Variants in CHRM3 observed in about 807,000 individuals in gnomAD.
CHRM3 encodes cholinergic receptor muscarinic 3, also known as muscarinic acetylcholine receptor M3.
CHRM3 carries 11 observed loss-of-function variants against 41.8 expected under a neutral mutation model. The observed-to-expected ratio is 0.26, with a 90% CI of 0.17 to 0.44. The LOEUF (loss-of-function observed/expected upper bound fraction) is 0.44. Ranked by LOEUF, CHRM3 falls within the 20% of genes least tolerant of loss-of-function variation. CHRM3 has a pLI of 1.00. For synonymous variants in CHRM3, 297 were observed against 301.4 expected (o/e 0.99, Z 0.15); for missense variants, 571 against 745.4 (o/e 0.77, Z 2.72).
At chr1:239,695,832 A>G (rs974097561) in intron 5 of CHRM3, among the ~76,000 whole-genome samples, 4 of 152,184 alleles carry the variant, frequency 2.6e-5, no homozygotes, top group African/African-American at 9.7e-5. Flanking sequence ...AGACTTACAC[A>G]GTTATTTAAC....
At chr1:239,900,525 T>C (rs1317954294) in intron 6 of CHRM3, among the ~76,000 whole-genome samples, 2 of 152,004 alleles carry the variant, frequency 1.3e-5, no homozygotes, top group African/African-American at 4.8e-5. Flanking sequence ...GAGAAGTTCA[T>C]AGAAAATGTC....
At chr1:239,706,746 A>C (rs957929931) in intron 5 of CHRM3, among the ~76,000 whole-genome samples, 1 of 151,464 alleles carries the variant, frequency 6.6e-6, no homozygotes. Context: ...ACAGGCATGC[A>C]CCCCCACACC....
chr1:239,482,652 A>G (rs1380426279), intron 1 of CHRM3, among the ~76,000 whole-genome samples: 2 of 151,788 alleles, frequency 1.3e-5, no homozygotes, highest in Non-Finnish European at 2.9e-5. Flanking sequence ...CTAGCTCTCA[A>G]CCGTAGAATT....
At chr1:239,556,898 G>A (rs920966522) in intron 3 of CHRM3, among the ~76,000 whole-genome samples, 19 of 152,290 alleles carry the variant, frequency 1.2e-4, no homozygotes, top group Admixed American at 1.1e-3. Flanking sequence ...GTTAAATGGA[G>A]TTGAATTGAA....
intron 6 of CHRM3, among the ~76,000 whole-genome samples, chr1:239,828,509 G>A (rs968267738): frequency 1.3e-5 from 2 of 152,110 alleles, no homozygotes; most frequent in African/African-American, 2.4e-5. Context: ...TTCAGGGAAG[G>A]ACAGTCTAAT....
intron 5 of CHRM3, among the ~76,000 whole-genome samples, chr1:239,697,267 G>A (rs1057071853): frequency 5.9e-4 from 90 of 152,126 alleles, no homozygotes; most frequent in African/African-American, 2.0e-3. Flanking sequence ...AATGAGTCTC[G>A]TGAGATCTGA....
At chr1:239,389,552 TA>T (rs1206326564) in intron 1 of CHRM3, among the ~76,000 whole-genome samples, 1 of 152,206 alleles carries the variant, frequency 6.6e-6, no homozygotes, top group African/African-American at 2.4e-5. Flanking sequence ...AATGATATTT[TA>T]GCCTTTAATT....
chr1:239,819,173 C>T (rs1671834250), intron 5 of CHRM3, among the ~76,000 whole-genome samples: 1 of 152,200 alleles, frequency 6.6e-6, no homozygotes, highest in Non-Finnish European at 1.5e-5. Flanking sequence ...CTTAAAAGCT[C>T]TACCTTGTTG....
At chr1:239,541,568 G>T (rs2148391679) in intron 2 of CHRM3, among the ~76,000 whole-genome samples, 1 of 152,070 alleles carries the variant, frequency 6.6e-6, no homozygotes, top group East Asian at 1.9e-4. Flanking sequence ...CTGGAGTGCA[G>T]TGGCGTGATT....
At chr1:239,902,346 A>C (rs1369368749) in intron 6 of CHRM3, among the ~76,000 whole-genome samples, 1 of 152,196 alleles carries the variant, frequency 6.6e-6, no homozygotes, top group African/African-American at 2.4e-5. Context: ...GTCTCAAAAT[A>C]GTCAAGTAAT....
At chr1:239,776,637 G>A (rs141041794) in intron 5 of CHRM3, among the ~76,000 whole-genome samples, 1,575 of 152,262 alleles carry the variant, frequency 0.01, 16 homozygotes, top group Non-Finnish European at 0.017. Context: ...CCATGCCAAG[G>A]TACTCACCAT....
intron 1 of CHRM3, among the ~76,000 whole-genome samples, chr1:239,480,319 T>G (rs1411303676): frequency 6.6e-6 from 1 of 152,148 alleles, no homozygotes; most frequent in Non-Finnish European, 1.5e-5. Context: ...GAACTTTTTT[T>G]GTGAAATACA....
chr1:239,479,237 CAGAG>C (rs1356809198), intron 1 of CHRM3, among the ~76,000 whole-genome samples: 1 of 142,310 alleles, frequency 7.0e-6, no homozygotes, highest in Non-Finnish European at 1.5e-5. Flanking sequence ...CACAGAAAAA[CAGAG>C]AGACAGCAAT....
At chr1:239,904,451 C>T (rs982005747) in intron 6 of CHRM3, among the ~76,000 whole-genome samples, 5 of 152,150 alleles carry the variant, frequency 3.3e-5, no homozygotes, top group African/African-American at 1.2e-4. Context: ...TGTGAATATA[C>T]ATAGTCACAG....
chr1:239,623,727 C>G (rs1668717981), intron 3 of CHRM3, among the ~76,000 whole-genome samples: 1 of 53,646 alleles, frequency 1.9e-5, no homozygotes, highest in Non-Finnish European at 3.7e-5. Flanking sequence ...CAATTCCCAC[C>G]TATGAGTGAG....
intron 5 of CHRM3, among the ~76,000 whole-genome samples, chr1:239,750,681 C>T (rs7538083): frequency 6.6e-6 from 1 of 152,136 alleles, no homozygotes; most frequent in African/African-American, 2.4e-5. Context: ...TCAAATAAGG[C>T]AGATGCTAAA....
At chr1:239,496,713 C>A (rs966618986) in intron 2 of CHRM3, among the ~76,000 whole-genome samples, 1 of 151,936 alleles carries the variant, frequency 6.6e-6, no homozygotes, top group African/African-American at 2.4e-5. Flanking sequence ...AATGTATATA[C>A]CATATGTATA....
intron 6 of CHRM3, among the ~76,000 whole-genome samples, chr1:239,859,544 A>T (rs1675432832): frequency 6.6e-6 from 1 of 150,476 alleles, no homozygotes; most frequent in African/African-American, 2.4e-5. Context: ...CCTCCCAGGT[A>T]GCTGGGATTA....
At chr1:239,538,186 A>G (rs1056234991) in intron 2 of CHRM3, among the ~76,000 whole-genome samples, 1 of 152,190 alleles carries the variant, frequency 6.6e-6, no homozygotes, top group Non-Finnish European at 1.5e-5. Flanking sequence ...GCCTTTTGGG[A>G]AGGTTTGCCA....
Sources: gnomAD v4.1 joint callset for allele counts (sites outside exome capture counted in the v4.1 genomes callset) on GRCh38, gnomAD v4.1.1 for gene constraint, MANE v1.5 for transcripts, NCBI Gene and HGNC (gene_info 2026-07-23, HGNC 2026-07-21) for gene names.